The following DOCK8 variants were observed in gnomAD, a reference collection of about 807,000 sequenced individuals.
DOCK8 encodes dedicator of cytokinesis 8.
A neutral mutation model predicts 245.6 loss-of-function variants in DOCK8; 141 were observed. The ratio of observed to expected loss-of-function variants is 0.57; its 90% CI spans 0.50 to 0.66. The LOEUF (loss-of-function observed/expected upper bound fraction) is 0.66. DOCK8 is among the 30% of genes least tolerant of loss of function. The probability of loss-of-function intolerance (pLI) is 0.00; values close to 1 mark genes in which losing one functional copy is unlikely to be tolerated. For synonymous variants in DOCK8, 1,168 were observed against 970.2 expected (o/e 1.20, Z -3.79); for missense variants, 2,965 against 2,603.4 (o/e 1.14, Z -3.02).
At chr9:449,161 G>A (rs10739057) in intron 44 of DOCK8, among the ~76,000 whole-genome samples, 91,774 of 151,962 alleles carry the variant, frequency 0.6, 30,339 homozygotes, top group East Asian at 0.99. Flanking sequence ...GACCAGCCTG[G>A]CCAACATAGA....
chr9:214,641 C>T, upstream of DOCK8: 1 of 1,611,502 alleles, frequency 6.2e-7, no homozygotes, highest in Non-Finnish European at 8.5e-7. Context: ...GCCTGTCGTC[C>T]GCCCGCGCTC....
At chr9:410,723 A>G (rs141914821) in intron 28 of DOCK8, among the ~76,000 whole-genome samples, 311 of 152,366 alleles carry the variant, frequency 2.0e-3, no homozygotes, top group East Asian at 0.019. Context: ...CAAAGGTGAT[A>G]GCCAAAATAA....
At chr9:225,259 CAG>C (rs1412133882) in intron 1 of DOCK8, among the ~76,000 whole-genome samples, 1 of 151,982 alleles carries the variant, frequency 6.6e-6, no homozygotes, top group Admixed American at 6.6e-5. Context: ...GACAAAAACT[CAG>C]AGAGAGAGAA....
At chr9:247,301 C>A (rs1176375839) in intron 1 of DOCK8, among the ~76,000 whole-genome samples, 4 of 152,078 alleles carry the variant, frequency 2.6e-5, no homozygotes. Flanking sequence ...TTATGAATAT[C>A]TATTTTACTG....
intron 42 of DOCK8, among the ~76,000 whole-genome samples, chr9:442,881 C>T (rs1361363267): frequency 6.6e-6 from 1 of 152,292 alleles, no homozygotes; most frequent in East Asian, 1.9e-4. Flanking sequence ...CGTACACTCT[C>T]CATCCATGCC....
intron 14 of DOCK8, among the ~76,000 whole-genome samples, chr9:362,892 C>T (rs964433230): frequency 1.3e-5 from 2 of 152,104 alleles, no homozygotes; most frequent in Non-Finnish European, 2.9e-5. Context: ...TTTCAAGGTC[C>T]CTTGGTTAAC....
At chr9:261,125 A>G (rs1041613378) in intron 1 of DOCK8, among the ~76,000 whole-genome samples, 1 of 151,880 alleles carries the variant, frequency 6.6e-6, no homozygotes, top group African/African-American at 2.4e-5. Context: ...TAGATTGTCT[A>G]TGCAGAGGGA....
At chr9:279,084 T>C (rs373438962) in intron 2 of DOCK8, among the ~76,000 whole-genome samples, 20 of 152,256 alleles carry the variant, frequency 1.3e-4, no homozygotes, top group Admixed American at 4.6e-4. Flanking sequence ...AGAAAGTGGA[T>C]AGGATTTTCT....
chr9:289,137 G>A (rs1446770467), intron 3 of DOCK8, among the ~76,000 whole-genome samples: 2 of 152,068 alleles, frequency 1.3e-5, no homozygotes, highest in Non-Finnish European at 2.9e-5. Flanking sequence ...GGTTACACAT[G>A]CATAAAAAAT....
intron 1 of DOCK8, among the ~76,000 whole-genome samples, chr9:262,615 C>G (rs1432994416): frequency 1.3e-5 from 2 of 151,160 alleles, no homozygotes; most frequent in Non-Finnish European, 2.9e-5. Flanking sequence ...ATGTAAAATT[C>G]TCGAAAATGC....
intron 25 of DOCK8, among the ~76,000 whole-genome samples, chr9:398,609 G>A (rs376731537): frequency 3.3e-5 from 5 of 152,088 alleles, no homozygotes; most frequent in South Asian, 2.1e-4. Context: ...TTTACCCTAC[G>A]GAGTGAATAC....
Position 317,144 on chromosome 9 carries a change from C to T in DOCK8, c.827+16C>T. ...TGACCTTGAAGTAAGTATCAACAAACACACTGCCACCGCTTTGAGATTTAT... is the reference window on the plus strand; with the variant it reads ...TGACCTTGAAGTAAGTATCAACAAATACACTGCCACCGCTTTGAGATTTAT... On this transcript the variant is annotated intron_variant, in intron 7 of 47. Transcript: ENST00000432829. The T allele has an allele frequency of 1.3e-6, 2 of 1,554,784 alleles. No individual in the cohort carries two copies. Among genetic ancestry groups the T allele is most frequent in the African/African-American group, 1.4e-5 (1 of 73,734 alleles).
intron 1 of DOCK8, among the ~76,000 whole-genome samples, chr9:261,785 T>C (rs1335471210): frequency 2.0e-5 from 3 of 152,220 alleles, no homozygotes; most frequent in African/African-American, 4.8e-5. Context: ...ACTTGGTACA[T>C]ACATATTTAG....
At chr9:369,167 A>C (rs931791551) in intron 15 of DOCK8, 1 of 36,332 alleles carries the variant, frequency 2.8e-5, no homozygotes, top group Non-Finnish European at 7.9e-5. Context: ...ACCCAAAGAA[A>C]AAAAGAAAAA....
chr9:253,927 T>A (rs1193147186), intron 1 of DOCK8, among the ~76,000 whole-genome samples: 1 of 152,192 alleles, frequency 6.6e-6, no homozygotes, highest in African/African-American at 2.4e-5. Context: ...AGGCCAAGAT[T>A]TTGAGATGTG....
At chr9:362,862 T>C (rs886166429) in intron 14 of DOCK8, among the ~76,000 whole-genome samples, 1 of 152,228 alleles carries the variant, frequency 6.6e-6, no homozygotes, top group African/African-American at 2.4e-5. Flanking sequence ...GTGATGTTTT[T>C]GTATTGTGGC....
intron 14 of DOCK8, among the ~76,000 whole-genome samples, chr9:357,357 G>C (rs1211443956): frequency 6.6e-6 from 1 of 152,148 alleles, no homozygotes; most frequent in African/African-American, 2.4e-5. Flanking sequence ...TCAAATTGCA[G>C]ATCATCAGTT....
At chr9:272,986 T>A (rs1429178820) in intron 2 of DOCK8, 1 of 966,526 alleles carries the variant, frequency 1.0e-6, no homozygotes, top group Non-Finnish European at 1.2e-6. Flanking sequence ...TTCTACTTAT[T>A]ACTTCGAAAC....
intron 24 of DOCK8, among the ~76,000 whole-genome samples, chr9:395,942 A>G (rs181214587): frequency 6.6e-6 from 1 of 152,224 alleles, no homozygotes; most frequent in East Asian, 1.9e-4. Context: ...CAGTTGACGA[A>G]TTGTTTGCAT....
Sources: allele counts gnomAD v4.1 joint callset (sites outside exome capture counted in the v4.1 genomes callset), GRCh38; gene constraint gnomAD v4.1.1; transcripts MANE v1.5; gene names NCBI Gene and HGNC (gene_info 2026-07-23, HGNC 2026-07-21).